EML6: variants seen among roughly 807,000 people sequenced by gnomAD.
The protein encoded by EML6 is EMAP like 6.
Under a neutral mutation model 240.1 loss-of-function variants are expected in EML6, and 154 were observed. The observed-to-expected ratio is 0.64, with a 90% CI of 0.56 to 0.73. EML6 has a LOEUF of 0.73. Ranked by LOEUF, EML6 falls within the 30% of genes least tolerant of loss-of-function variation. The probability of loss-of-function intolerance (pLI) is 0.00; values close to 1 mark genes in which losing one functional copy is unlikely to be tolerated. For synonymous variants in EML6, 1,148 were observed against 899.0 expected, an observed-to-expected ratio of 1.28 and a Z score of -4.95; for missense variants, 2,964 against 2,474.6, an observed-to-expected ratio of 1.20 and a Z score of -4.20.
At position 54,774,326 on chromosome 2, in the gene EML6, A is replaced by T. The variant is rs1466079829; in HGVS notation, c.198-38906A>T. ...CAGGATACTATGCAGGCTCCACAGGATGGTCAGGCCTTTATGTTCCTACAT... is the reference window on the plus strand; with the variant it reads ...CAGGATACTATGCAGGCTCCACAGGTTGGTCAGGCCTTTATGTTCCTACAT... On this transcript the variant is annotated intron_variant, in intron 2 of 41. Transcript: ENST00000356458. The surrounding 1 kb of genome is among the most constrained non-coding windows in gnomAD (Gnocchi z 4.1). 1.3e-5 allele frequency among the ~76,000 whole-genome samples: 2 copies of T among 152,170 alleles called. No homozygotes were observed. Among genetic ancestry groups the T allele is most frequent in the Non-Finnish European group, 2.9e-5 (2 of 68,032 alleles).
rs1333887234 is a variant in EML6, at chr2:54,813,411, T to C, written c.357+20T>C. The C allele has an allele frequency of 1.9e-6, 3 of 1,545,612 alleles. No individual in the cohort carries two copies. The highest frequency in any genetic ancestry group is 2.6e-6 in the Non-Finnish European group (3 of 1,142,574). ...GGACAGGTGTGTATCTTTTTTTAGT[T>C]GTTTTATTTAATGACTTCTCACAAC... On this transcript the variant is annotated intron_variant, in intron 3 of 41. Transcript: ENST00000356458.
intron 4 of EML6, among the ~76,000 whole-genome samples, chr2:54,819,842 C>T (rs1300027813): frequency 6.7e-6 from 1 of 148,386 alleles, no homozygotes; most frequent in South Asian, 2.1e-4. Flanking sequence ...ATTGAAAATA[C>T]AATAGTATGT....
At chr2:54,769,885 C>G (rs1668337925) in intron 2 of EML6, among the ~76,000 whole-genome samples, 1 of 152,166 alleles carries the variant, frequency 6.6e-6, no homozygotes, top group Non-Finnish European at 1.5e-5. Flanking sequence ...ACCAATTCCT[C>G]CCAGTTTTCT....
intron 2 of EML6, among the ~76,000 whole-genome samples, chr2:54,800,058 A>AAT (rs1265885197): frequency 6.6e-6 from 1 of 152,060 alleles, no homozygotes; most frequent in Non-Finnish European, 1.5e-5. Context: ...CATCCTGGCC[A>AAT]ACATGGTGAA....
At chr2:54,770,326 G>A (rs1304986086) in intron 2 of EML6, among the ~76,000 whole-genome samples, 1 of 152,160 alleles carries the variant, frequency 6.6e-6, no homozygotes, top group Non-Finnish European at 1.5e-5. Flanking sequence ...TGGACATTTG[G>A]TCACTCTAAA....
chr2:54,757,599 CCCAGAGAGTAAATCT>C (rs1338131227), intron 2 of EML6, among the ~76,000 whole-genome samples: 1 of 152,118 alleles, frequency 6.6e-6, no homozygotes, highest in African/African-American at 2.4e-5. Context: ...GCTGGGCAGC[CCCAGAGAGTAAATCT>C]CCAGAGTTCT....
chr2:54,763,591 G>T (rs1334018497), intron 2 of EML6, among the ~76,000 whole-genome samples: 1 of 152,158 alleles, frequency 6.6e-6, no homozygotes, highest in African/African-American at 2.4e-5. Flanking sequence ...GTGCATTTGT[G>T]TGGTTTTTGG....
chr2:54,777,487 A>G (rs1378014773), intron 2 of EML6, among the ~76,000 whole-genome samples: 1 of 152,152 alleles, frequency 6.6e-6, no homozygotes, highest in Non-Finnish European at 1.5e-5. Flanking sequence ...TTGGTCCACT[A>G]TTAGCACCAT....
intron 3 of EML6, 107 bp from the exon 4 acceptor site, chr2:54,816,680 T>C (rs1304903850): frequency 3.5e-6 from 3 of 864,818 alleles, no homozygotes; most frequent in Non-Finnish European, 5.6e-6. Context: ...AATCGGTTTG[T>C]TATAAGAAAT....
In EML6 at chr2:54,889,784, T is replaced by G. The variant is rs568943310; in HGVS notation, c.2439-1270T>G. Among the ~76,000 whole-genome samples, 62 of 152,368 alleles carry G rather than the reference T, an allele frequency of 4.1e-4. 1 individual carries two copies. Among genetic ancestry groups the G allele is most frequent in the Admixed American group, 3.9e-3 (60 of 15,300 alleles). ...TTAAAATCTCCTCTAGTTGCATTAG[T>G]TTATATGTTCAATACGATGTTAAAT... On this transcript the variant is annotated intron_variant, in intron 17 of 41. Transcript: ENST00000356458.
At chr2:54,943,785 A>G (rs1675548011) in intron 28 of EML6, among the ~76,000 whole-genome samples, 1 of 152,214 alleles carries the variant, frequency 6.6e-6, no homozygotes, top group Non-Finnish European at 1.5e-5. Context: ...TATATTAAAA[A>G]ATATTTCAAC....
intron 26 of EML6, among the ~76,000 whole-genome samples, chr2:54,923,539 G>A (rs1436807848): frequency 6.6e-6 from 1 of 151,896 alleles, no homozygotes; most frequent in African/African-American, 2.4e-5. Context: ...AGTAAAGCTG[G>A]GAGGAAAAAG....
intron 11 of EML6, among the ~76,000 whole-genome samples, chr2:54,858,605 C>T (rs1172934526): frequency 2.6e-5 from 4 of 152,176 alleles, no homozygotes; most frequent in Admixed American, 2.6e-4. Context: ...CCCAATGCTT[C>T]CTTTCCCTTC....
At chr2:54,917,328 G>A (rs77544931) in intron 26 of EML6, among the ~76,000 whole-genome samples, 28,689 of 148,906 alleles carry the variant, frequency 0.19, 3,551 homozygotes, top group East Asian at 0.48. Flanking sequence ...TCTATCTTGA[G>A]CTGAATTCTC....
At chr2:54,876,107 C>A (rs553854087) in intron 16 of EML6, among the ~76,000 whole-genome samples, 4 of 152,172 alleles carry the variant, frequency 2.6e-5, no homozygotes, top group Non-Finnish European at 4.4e-5. Flanking sequence ...ATAATTAATG[C>A]ATGCTGTGAC....
chr2:54,859,925 G>A (rs960359825), intron 12 of EML6, among the ~76,000 whole-genome samples: 6 of 152,144 alleles, frequency 3.9e-5, no homozygotes, highest in Non-Finnish European at 7.4e-5. Flanking sequence ...TGAGCAGGAC[G>A]TCAGCAACGT....
At chr2:54,738,797 T>TG (rs1558516905) in intron 2 of EML6, among the ~76,000 whole-genome samples, 1 of 152,226 alleles carries the variant, frequency 6.6e-6, no homozygotes, top group East Asian at 1.9e-4. Context: ...CTACTGTTTA[T>TG]GGGCCTTTGG....
intron 35 of EML6, among the ~76,000 whole-genome samples, chr2:54,961,020 CT>C (rs565117014): frequency 9.7e-4 from 148 of 151,898 alleles, no homozygotes; most frequent in Admixed American, 5.0e-3. Context: ...TAAGAATTTG[CT>C]TTCTAGATGC....
chr2:54,816,448 T>C (rs1668085884), intron 3 of EML6, among the ~76,000 whole-genome samples: 3 of 152,212 alleles, frequency 2.0e-5, no homozygotes, highest in Admixed American at 6.5e-5. Flanking sequence ...AGATTTTACC[T>C]AAAAATTTTA....
Sources: gnomAD v4.1 joint callset for allele counts (sites outside exome capture counted in the v4.1 genomes callset) on GRCh38, gnomAD v4.1.1 for gene constraint, Gnocchi (gnomAD v3.1) non-coding constraint, MANE v1.5 for transcripts, NCBI Gene and HGNC (gene_info 2026-07-23, HGNC 2026-07-21) for gene names.